The following WNT3 variants were observed in gnomAD, a reference collection of about 807,000 sequenced individuals.
WNT3 encodes proto-oncogene Wnt-3.
In WNT3, 7 loss-of-function variants were observed where a neutral mutation model predicts 34.2. That is an observed-to-expected ratio of 0.20 (90% confidence interval 0.12 to 0.38). The LOEUF (loss-of-function observed/expected upper bound fraction) is 0.38. Among genes scored for constraint, WNT3 ranks in the 10% least tolerant of loss-of-function variants. The pLI is 1.00. For missense variants in WNT3, 267 were observed against 499.8 expected (o/e 0.53, Z 4.44); for synonymous variants, 212 against 211.5 (o/e 1.00, Z -0.02).
intron 2 of WNT3, among the ~76,000 whole-genome samples, chr17:46,773,070 A>C (rs2059387412): frequency 6.6e-6 from 1 of 152,084 alleles, no homozygotes; most frequent in African/African-American, 2.4e-5. Flanking sequence ...AAGTCAAATC[A>C]TGTGGTTCCC....
intron 2 of WNT3, among the ~76,000 whole-genome samples, chr17:46,771,027 C>T (rs940747434): frequency 3.9e-5 from 6 of 152,222 alleles, no homozygotes; most frequent in African/African-American, 1.4e-4. Context: ...TAAATGTGAC[C>T]AAATTTATTT....
At chr17:46,782,123 G>A (rs946380967) in intron 1 of WNT3, among the ~76,000 whole-genome samples, 9 of 152,192 alleles carry the variant, frequency 5.9e-5, no homozygotes, top group African/African-American at 2.2e-4. Context: ...GCTCTCCAGG[G>A]CCAAGTCTCC....
chr17:46,795,584 G>A (rs2146432487), intron 1 of WNT3, among the ~76,000 whole-genome samples: 1 of 152,322 alleles, frequency 6.6e-6, no homozygotes, highest in East Asian at 1.9e-4. Context: ...CTGGTTAAAA[G>A]CAACCACAGG....
intron 1 of WNT3, 117 bp from the exon 2 acceptor site, chr17:46,774,026 T>C (rs1018259159): frequency 2.8e-6 from 4 of 1,426,300 alleles, no homozygotes; most frequent in Non-Finnish European, 2.9e-6. Flanking sequence ...GCCTGTGCCC[T>C]GGCACCTGAA....
intron 1 of WNT3, among the ~76,000 whole-genome samples, chr17:46,784,428 A>G (rs534955683): frequency 6.6e-6 from 1 of 152,030 alleles, no homozygotes; most frequent in South Asian, 2.1e-4. Context: ...TAAAAGTTGA[A>G]TTATACTTTA....
chr17:46,816,409 C>A (rs556263527), intron 1 of WNT3, among the ~76,000 whole-genome samples: 1 of 150,970 alleles, frequency 6.6e-6, no homozygotes, highest in Non-Finnish European at 1.5e-5. Flanking sequence ...GGCACAAACA[C>A]TTTTGCACAC....
At chr17:46,769,737 C>T (rs2059346849) in intron 3 of WNT3, 46 bp downstream of exon 3, 7 of 1,600,740 alleles carry the variant, frequency 4.4e-6, no homozygotes, top group South Asian at 1.1e-5. Flanking sequence ...GGAGGGGAAG[C>T]GGGGGGCTGC....
chr17:46,775,671 TGACGTGATCTC>T (rs1252803362), intron 1 of WNT3, among the ~76,000 whole-genome samples: 2 of 147,412 alleles, frequency 1.4e-5, no homozygotes, highest in Non-Finnish European at 3.0e-5. Context: ...TGGAATGCAG[TGACGTGATCTC>T]GGCTCACTGC....
chr17:46,816,137 A>G (rs28401384), intron 1 of WNT3, among the ~76,000 whole-genome samples: 4 of 43,440 alleles, frequency 9.2e-5, no homozygotes, highest in Non-Finnish European at 1.6e-4. Flanking sequence ...ACACTCACAC[A>G]CACGCACGCA....
Position 46,773,916 on chromosome 17 carries a change from GCAGA to G in WNT3, c.81-11_81-8del. ...CTGGCCCAGGGCCAGGGACCTGCAGGCAGACAGAGGGTAGTAACACTGTGGGCAC... is the reference window on the plus strand; with the variant it reads ...CTGGCCCAGGGCCAGGGACCTGCAGGCAGAGGGTAGTAACACTGTGGGCAC... On this transcript the variant is annotated splice_region_variant and splice_polypyrimidine_tract_variant and intron_variant, in intron 1 of 4. Transcript: ENST00000225512. The G allele has an allele frequency of 1.9e-6, 3 of 1,610,748 alleles. No individual in the cohort carries two copies. Among genetic ancestry groups the G allele is most frequent in the Non-Finnish European group, 1.7e-6 (2 of 1,179,664 alleles).
chr17:46,782,488 G>A (rs956597144), intron 1 of WNT3, among the ~76,000 whole-genome samples: 2 of 152,184 alleles, frequency 1.3e-5, no homozygotes, highest in Non-Finnish European at 2.9e-5. Flanking sequence ...CACCCTCCAC[G>A]GAAACTTCTA....
chr17:46,773,805 T>A lies in WNT3; in HGVS notation c.185A>T (p.Tyr62Phe). 6.2e-7 allele frequency: 1 copy of A among 1,613,560 alleles called. No homozygotes were observed. Among genetic ancestry groups the A allele is most frequent in the Non-Finnish European group, 8.5e-7 (1 of 1,180,000 alleles). Residue 62 changes from tyrosine to phenylalanine, a missense_variant, in exon 2 of 5, where the codon TAC (tyrosine) becomes TTC (phenylalanine). This residue lies in a region of WNT3 where 181 missense variants were observed against 391.3 expected (regional missense o/e 0.46). Coordinates refer to ENST00000225512, the MANE Select transcript of WNT3 (RefSeq NM_030753.5). ...GGCCACGCTGGGCATGATCTCGATG[T>A]AATTGCGGCAGAAGCGCAGTTGCTT... Reference protein sequence around the residue: ...VPKQLRFCRNYIEIMPSVAEG... With the variant: ...VPKQLRFCRNFIEIMPSVAEG...
intron 1 of WNT3, among the ~76,000 whole-genome samples, chr17:46,816,956 T>C (rs2084358927): frequency 6.6e-6 from 1 of 152,228 alleles, no homozygotes; most frequent in Non-Finnish European, 1.5e-5. Flanking sequence ...CTGAAGTCCC[T>C]GGCTGCCCTG....
intron 1 of WNT3, among the ~76,000 whole-genome samples, chr17:46,782,647 T>C (rs731543): frequency 0.11 from 16,338 of 152,232 alleles, 2,406 homozygotes; most frequent in African/African-American, 0.34. Context: ...TTCAGGGGCA[T>C]GTGTGCACAC....
chr17:46,818,378 AG>A (rs952489582), intron 1 of WNT3, 139 bp downstream of exon 1: 1 of 637,672 alleles, frequency 1.6e-6, no homozygotes, highest in Admixed American at 3.6e-5. Flanking sequence ...AAAATCCAGG[AG>A]GGGTGGGCGG....
At chr17:46,766,959 T>A (rs2059318952) in intron 4 of WNT3, among the ~76,000 whole-genome samples, 1 of 152,070 alleles carries the variant, frequency 6.6e-6, no homozygotes, top group African/African-American at 2.4e-5. Context: ...AGGAACCAGG[T>A]CTATGAAGAA....
At position 46,768,653 on chromosome 17, in the gene WNT3, T is replaced by C. The variant is rs1409868007; in HGVS notation, c.735A>G (p.Val245=). 2 of 1,614,032 alleles carry C rather than the reference T, an allele frequency of 1.2e-6. No homozygotes were observed. The highest frequency in any genetic ancestry group is 1.7e-6 in the Non-Finnish European group (2 of 1,180,054). ...CTCGGGACTCACGGTGCTTCTCTACTACCATCTCCGAGGCGCTGTCATACT... is the reference window on the plus strand; with the variant it reads ...CTCGGGACTCACGGTGCTTCTCTACCACCATCTCCGAGGCGCTGTCATACT... The part of the protein sequence containing the change: ...KDKYDSASEM[V]VEKHRESRGW... The change falls in exon 4 of 5, where the codon GTA becomes GTG. Residue 245 remains valine, a synonymous_variant. Transcript: ENST00000225512. This position sits in a 1 kb window ranked among gnomAD's most constrained non-coding sequence, Gnocchi z 5.0.
chr17:46,783,663 C>T (rs562710367), intron 1 of WNT3, among the ~76,000 whole-genome samples: 5 of 152,250 alleles, frequency 3.3e-5, no homozygotes, highest in South Asian at 2.1e-4. Flanking sequence ...TCTCTAGGAA[C>T]GGGGGCAAGT....
chr17:46,784,945 T>C (rs946995515), intron 1 of WNT3, among the ~76,000 whole-genome samples: 2 of 151,808 alleles, frequency 1.3e-5, no homozygotes, highest in African/African-American at 4.8e-5. Context: ...CCGGCTAATT[T>C]TTTTGTATTT....
Sources: allele counts gnomAD v4.1 joint callset (sites outside exome capture counted in the v4.1 genomes callset), GRCh38; gene constraint gnomAD v4.1.1; regional missense constraint gnomAD v4.1.1; non-coding constraint Gnocchi (gnomAD v3.1); transcripts MANE v1.5; gene names NCBI Gene and HGNC (gene_info 2026-07-23, HGNC 2026-07-21).